Variants in NCOA2 observed in about 807,000 individuals in gnomAD.
NCOA2 encodes class E basic helix-loop-helix protein 75.
Under a neutral mutation model 145.1 loss-of-function variants are expected in NCOA2, and 21 were observed. The ratio of observed to expected loss-of-function variants is 0.14; its 90% CI spans 0.10 to 0.21. The LOEUF is 0.21. NCOA2 is among the 10% of genes least tolerant of loss of function. The pLI is 1.00. For missense variants in NCOA2, 1,472 were observed against 1,837.6 expected, an observed-to-expected ratio of 0.80 and a Z score of 3.64; for synonymous variants, 619 against 637.5, an observed-to-expected ratio of 0.97 and a Z score of 0.44.
chr8:70,389,564 G>GCCAC (rs1812997327), intron 1 of NCOA2, among the ~76,000 whole-genome samples: 1 of 151,996 alleles, frequency 6.6e-6, no homozygotes, highest in Admixed American at 6.6e-5. Context: ...ACAGGCATGA[G>GCCAC]CCACCATGCC....
chr8:70,272,863 T>C (rs949960871), intron 2 of NCOA2, among the ~76,000 whole-genome samples: 2 of 135,988 alleles, frequency 1.5e-5, no homozygotes, highest in African/African-American at 5.3e-5. Flanking sequence ...TATAAAGTAA[T>C]AATTTAATAT....
intron 9 of NCOA2, 81 bp downstream of exon 9, chr8:70,162,630 C>T: frequency 7.0e-7 from 1 of 1,432,820 alleles, no homozygotes; most frequent in South Asian, 1.3e-5. Context: ...AGCTCTGTTC[C>T]CAAGGTGAAC....
At chr8:70,328,861 T>C (rs761940770) in intron 1 of NCOA2, among the ~76,000 whole-genome samples, 10 of 152,168 alleles carry the variant, frequency 6.6e-5, no homozygotes, top group Non-Finnish European at 1.2e-4. Flanking sequence ...ACATTGCTGA[T>C]GAGAATATAA....
chr8:70,415,276 C>G, the NCOA2 span, among the ~76,000 whole-genome samples: 1 of 151,852 alleles, frequency 6.6e-6, no homozygotes, highest in Non-Finnish European at 1.5e-5. Context: ...CTTCAGTGAG[C>G]CATGTTCACA....
chr8:70,262,992 A>G (rs1824263494), intron 2 of NCOA2, among the ~76,000 whole-genome samples: 1 of 151,926 alleles, frequency 6.6e-6, no homozygotes, highest in South Asian at 2.1e-4. Flanking sequence ...CATTATTACT[A>G]CAGATTTTGG....
At chr8:70,342,913 A>ATT (rs1808283842) in intron 1 of NCOA2, among the ~76,000 whole-genome samples, 1 of 151,988 alleles carries the variant, frequency 6.6e-6, no homozygotes, top group Non-Finnish European at 1.5e-5. Flanking sequence ...GCTGTTTAAC[A>ATT]CATACAAAAT....
intron 4 of NCOA2, among the ~76,000 whole-genome samples, chr8:70,191,142 CA>C (rs35153925): frequency 6.6e-6 from 1 of 151,832 alleles, no homozygotes; most frequent in Non-Finnish European, 1.5e-5. Context: ...AGGGTCATTT[CA>C]AAAAAAGTTA....
At chr8:70,114,820 A>G (rs140854026) in intron 22 of NCOA2, among the ~76,000 whole-genome samples, 5 of 152,320 alleles carry the variant, frequency 3.3e-5, no homozygotes, top group African/African-American at 1.2e-4. Context: ...CAAATAATCT[A>G]TTTTACCTTA....
At chr8:70,116,465 C>T (rs540018636) in intron 22 of NCOA2, among the ~76,000 whole-genome samples, 1 of 150,742 alleles carries the variant, frequency 6.6e-6, no homozygotes, top group Non-Finnish European at 1.5e-5. Flanking sequence ...GCAGGAGATT[C>T]GCTTGAACCT....
intron 5 of NCOA2, among the ~76,000 whole-genome samples, chr8:70,172,766 T>C (rs1421894983): frequency 6.6e-6 from 1 of 152,220 alleles, no homozygotes; most frequent in Non-Finnish European, 1.5e-5. Flanking sequence ...TAAAAGTACA[T>C]GTTGCTTCCT....
the NCOA2 span, among the ~76,000 whole-genome samples, chr8:70,419,834 G>A: frequency 2.6e-5 from 4 of 152,116 alleles, no homozygotes; most frequent in African/African-American, 9.7e-5. Context: ...TAACTATAAT[G>A]TTTGTATACA....
chr8:70,403,017 C>T (rs1441105951), intron 1 of NCOA2, among the ~76,000 whole-genome samples: 1 of 146,976 alleles, frequency 6.8e-6, no homozygotes, highest in Non-Finnish European at 1.5e-5. Context: ...GCCCGGGCCA[C>T]CCGCCGGGCC....
chr8:70,378,268 C>A (rs1031982028), intron 1 of NCOA2, among the ~76,000 whole-genome samples: 1 of 152,014 alleles, frequency 6.6e-6, no homozygotes, highest in East Asian at 1.9e-4. Flanking sequence ...CATAGTGAGA[C>A]CCCATCGCCA....
chr8:70,145,302 C>T (rs1013498913), intron 12 of NCOA2, among the ~76,000 whole-genome samples: 4 of 140,798 alleles, frequency 2.8e-5, no homozygotes, highest in Non-Finnish European at 3.1e-5. Flanking sequence ...GGATTATAGG[C>T]GTGCACTACC....
rs932169258 is a variant in NCOA2 at position 70,199,109 on chromosome 8, T to G, written c.259+14794A>C. 4.6e-5 allele frequency among the ~76,000 whole-genome samples: 7 copies of G among 151,852 alleles called. No homozygotes were observed. In the East Asian group the frequency reaches 7.8e-4, roughly 17 times the overall value. On this transcript the variant is annotated intron_variant, in intron 4 of 22. Coordinates refer to ENST00000452400, the MANE Select transcript of NCOA2 (RefSeq NM_006540.4). ...GAAGAAGAAAGGGCCAAGGTTTAGA[T>G]GAGGAAAAAAAGCCAGTGAGTGAGG...
intron 10 of NCOA2, 97 bp from the exon 11 acceptor site, chr8:70,157,337 A>G (rs1563541462): frequency 9.5e-7 from 1 of 1,056,208 alleles, no homozygotes; most frequent in South Asian, 1.9e-5. Flanking sequence ...TTCACCTTAA[A>G]AGAACAGGCT....
chr8:70,227,616 A>G (rs903620500), intron 2 of NCOA2, among the ~76,000 whole-genome samples: 1 of 152,204 alleles, frequency 6.6e-6, no homozygotes, highest in Non-Finnish European at 1.5e-5. Context: ...TATTCTGAAC[A>G]CTACTTGCTA....
intron 6 of NCOA2, among the ~76,000 whole-genome samples, chr8:70,168,314 A>G (rs1813859941): frequency 6.6e-6 from 1 of 152,164 alleles, no homozygotes; most frequent in African/African-American, 2.4e-5. Flanking sequence ...CAGCATCAGC[A>G]TTTTATTTTA....
At chr8:70,447,682 C>CTTTTTTTTTT in the NCOA2 span, among the ~76,000 whole-genome samples, 84 of 113,062 alleles carry the variant, frequency 7.4e-4, 5 homozygotes, top group African/African-American at 1.7e-3. Flanking sequence ...TCTTTGTTTT[C>CTTTTTTTTTT]TTTTTTTTTT....
Sources: gnomAD v4.1 joint callset for allele counts (sites outside exome capture counted in the v4.1 genomes callset) on GRCh38, gnomAD v4.1.1 for gene constraint, MANE v1.5 for transcripts, NCBI Gene and HGNC (gene_info 2026-07-23, HGNC 2026-07-21) for gene names.